Variants in GAB4 observed in about 807,000 individuals in gnomAD.
GAB4 encodes GRB2-associated-binding protein 4.
A neutral mutation model predicts 51.3 loss-of-function variants in GAB4; 26 were observed. That is an observed-to-expected ratio of 0.51 (90% CI 0.37 to 0.70). GAB4 has a LOEUF of 0.70. Ranked by LOEUF, GAB4 falls within the 30% of genes least tolerant of loss-of-function variation. GAB4 has a pLI of 0.00. For missense variants in GAB4, 759 were observed against 734.6 expected, an observed-to-expected ratio of 1.03 and a Z score of -0.38; for synonymous variants, 329 against 291.2, an observed-to-expected ratio of 1.13 and a Z score of -1.32.
At chr22:17,002,046 C>T (rs992927461) in intron 1 of GAB4, among the ~76,000 whole-genome samples, 27 of 152,140 alleles carry the variant, frequency 1.8e-4, no homozygotes, top group African/African-American at 6.3e-4. Flanking sequence ...TCCCGATTTT[C>T]CAGGTACCAT....
At chr22:16,980,519 G>A (rs148190969) in intron 3 of GAB4, among the ~76,000 whole-genome samples, 3 of 152,334 alleles carry the variant, frequency 2.0e-5, no homozygotes, top group African/African-American at 7.2e-5. Context: ...AGATGCTAGA[G>A]AGGATGTGGA....
At chr22:16,964,555 T>C (rs954801400) in intron 8 of GAB4, among the ~76,000 whole-genome samples, 2 of 152,154 alleles carry the variant, frequency 1.3e-5, no homozygotes, top group African/African-American at 4.8e-5. Flanking sequence ...CTCTTCAAGT[T>C]CCAGACTTCC....
At chr22:16,975,186 G>A (rs2060766840) in intron 3 of GAB4, among the ~76,000 whole-genome samples, 1 of 152,182 alleles carries the variant, frequency 6.6e-6, no homozygotes, top group African/African-American at 2.4e-5. Context: ...AAATGGGGCT[G>A]AAGCTAGGGA....
chr22:16,978,542 C>T (rs8137901), intron 3 of GAB4, among the ~76,000 whole-genome samples: 4,581 of 152,120 alleles, frequency 0.03, 227 homozygotes, highest in African/African-American at 0.1. Flanking sequence ...AGTAATTAAT[C>T]GCCTACCAAC....
chr22:16,962,994 G>T, intron 9 of GAB4, 118 bp from the exon 10 acceptor site: 2 of 901,244 alleles, frequency 2.2e-6, no homozygotes, highest in Non-Finnish European at 3.3e-6. Context: ...TCTGCCTCCT[G>T]CTCTCAGCAG....
At chr22:16,996,487 AC>A (rs1355399818) in intron 1 of GAB4, among the ~76,000 whole-genome samples, 6 of 152,096 alleles carry the variant, frequency 3.9e-5, no homozygotes, top group African/African-American at 1.4e-4. Flanking sequence ...GAGAAAAGCA[AC>A]CCCAAGACAC....
chr22:17,007,424 G>C (rs2061049650), intron 1 of GAB4, among the ~76,000 whole-genome samples: 1 of 152,126 alleles, frequency 6.6e-6, no homozygotes, highest in South Asian at 2.1e-4. Context: ...GAGGGAAGGG[G>C]AGCGAGCGGG....
rs1210364321 is a variant in GAB4 at position 16,965,182 on chromosome 22, T to G, written c.1375A>C (p.Thr459Pro). 2 of 1,611,350 alleles carry G rather than the reference T, an allele frequency of 1.2e-6. No homozygotes were observed. Among genetic ancestry groups the G allele is most frequent in the African/African-American group, 2.7e-5 (2 of 74,802 alleles). Residue 459 changes from threonine (T) to proline (P), a missense_variant, in exon 7 of 10, where the codon ACC becomes CCC. This residue lies in a region of GAB4 where 588 missense variants were observed against 510.2 expected (regional missense o/e 1.15). Transcript: ENST00000400588. ...TTTCCACTGACAGACACTCACCTGG[T>G]CCCAGACCAGGGCTCTGTGACAGGT... The part of the protein sequence containing the change: ...KPPVTEPWSG[T>P]SHTFDSSSSQ...
intron 5 of GAB4, among the ~76,000 whole-genome samples, chr22:16,968,095 A>G (rs1284134297): frequency 2.0e-5 from 3 of 152,196 alleles, no homozygotes; most frequent in Non-Finnish European, 2.9e-5. Context: ...CATCTACTTA[A>G]GTACTCACTT....
At chr22:16,972,594 C>T (rs2060741342) in intron 3 of GAB4, among the ~76,000 whole-genome samples, 1 of 152,100 alleles carries the variant, frequency 6.6e-6, no homozygotes, top group African/African-American at 2.4e-5. Flanking sequence ...TCAGAATATG[C>T]CCATCATCTT....
At chr22:16,964,949 C>T in intron 7 of GAB4, 87 bp from the exon 8 acceptor site, 4 of 1,017,536 alleles carry the variant, frequency 3.9e-6, no homozygotes, top group Non-Finnish European at 6.0e-6. Flanking sequence ...GCCCTGACTT[C>T]AAGCATCCAG....
At chr22:16,978,381 G>A (rs1190946645) in intron 3 of GAB4, among the ~76,000 whole-genome samples, 3 of 151,966 alleles carry the variant, frequency 2.0e-5, no homozygotes, top group Non-Finnish European at 4.4e-5. Flanking sequence ...ATACCAACTA[G>A]CATCAGAGGA....
At chr22:16,969,854 T>C in intron 4 of GAB4, 89 bp downstream of exon 4, 2 of 1,464,078 alleles carry the variant, frequency 1.4e-6, no homozygotes, top group South Asian at 1.2e-5. Context: ...GCACTGAGAG[T>C]GGGGTGGCCG....
intron 3 of GAB4, among the ~76,000 whole-genome samples, chr22:16,986,739 T>A (rs532232912): frequency 6.6e-6 from 1 of 152,284 alleles, no homozygotes; most frequent in South Asian, 2.1e-4. Context: ...GTGATCTTGG[T>A]TAATTTGTTC....
intron 1 of GAB4, among the ~76,000 whole-genome samples, chr22:17,005,724 A>G (rs994870409): frequency 1.3e-5 from 2 of 152,234 alleles, no homozygotes; most frequent in Non-Finnish European, 2.9e-5. Flanking sequence ...TCTTTGACAA[A>G]CCTGACAAAA....
At chr22:16,976,942 A>G (rs2123673348) in intron 3 of GAB4, among the ~76,000 whole-genome samples, 1 of 152,340 alleles carries the variant, frequency 6.6e-6, no homozygotes, top group African/African-American at 2.4e-5. Context: ...TGAAGGAGAA[A>G]TAAATTTCTT....
intron 3 of GAB4, among the ~76,000 whole-genome samples, chr22:16,982,621 T>C (rs779202759): frequency 1.3e-5 from 2 of 152,176 alleles, no homozygotes; most frequent in Non-Finnish European, 2.9e-5. Flanking sequence ...TCAAAATACA[T>C]TCAGTATTCT....
At chr22:17,001,241 C>T (rs985739398) in intron 1 of GAB4, among the ~76,000 whole-genome samples, 25 of 152,230 alleles carry the variant, frequency 1.6e-4, no homozygotes, top group Non-Finnish European at 2.8e-4. Context: ...TGTTTTCCAA[C>T]TTGGTTCCAT....
intron 3 of GAB4, among the ~76,000 whole-genome samples, chr22:16,983,987 C>A (rs2060846727): frequency 6.6e-6 from 1 of 151,802 alleles, no homozygotes; most frequent in African/African-American, 2.4e-5. Flanking sequence ...TGCTGTATAG[C>A]AAAGGAAAAA....
Sources: gnomAD v4.1 joint callset for allele counts (sites outside exome capture counted in the v4.1 genomes callset) on GRCh38, gnomAD v4.1.1 for gene constraint, gnomAD v4.1.1 regional missense constraint, MANE v1.5 for transcripts, NCBI Gene and HGNC (gene_info 2026-07-23, HGNC 2026-07-21) for gene names.